The following ME2 variants were observed in gnomAD, a reference collection of about 807,000 sequenced individuals.
The protein encoded by ME2 is NAD-dependent malic enzyme, mitochondrial.
Under a neutral mutation model 73.7 loss-of-function variants are expected in ME2, and 60 were observed. The ratio of observed to expected loss-of-function variants is 0.81; its 90% CI spans 0.66 to 1.01. ME2 has a LOEUF of 1.01. Among genes scored for constraint, ME2 ranks in the 50% least tolerant of loss-of-function variants. The pLI is 0.00. For missense variants in ME2, 594 were observed against 705.5 expected (o/e 0.84, Z 1.79); for synonymous variants, 199 against 236.9 (o/e 0.84, Z 1.47).
rs1420634825 is a variant in ME2, at chr18:50,949,705, T to G, written c.*2521T>G. On this transcript the variant is annotated 3_prime_UTR_variant, in exon 16 of 16. Coordinates refer to ENST00000321341, the MANE Select transcript of ME2 (RefSeq NM_002396.5). ...TGCTTATTAAGTATGCCTGGTACAGTCTTCATGGAAGTTATTAAGTATTTT... is the reference window on the plus strand; with the variant it reads ...TGCTTATTAAGTATGCCTGGTACAGGCTTCATGGAAGTTATTAAGTATTTT... 1 of 152,130 alleles carries G rather than the reference T, an allele frequency of 6.6e-6. No individual in the cohort carries two copies. Among genetic ancestry groups the G allele is most frequent in the Non-Finnish European group, 1.5e-5 (1 of 67,956 alleles). The allele number at this position is 152,130 out of a possible 1,614,324, so 9.4% of individuals were successfully genotyped here.
At chr18:50,944,630 C>CA (rs1268796389) in intron 15 of ME2, among the ~76,000 whole-genome samples, 13 of 152,138 alleles carry the variant, frequency 8.5e-5, no homozygotes, top group Admixed American at 8.5e-4. Flanking sequence ...AAGAGATTTG[C>CA]AGTGAGTGTG....
At position 50,925,820 on chromosome 18, in the gene ME2, A is replaced by C. The variant is rs1199665494; in HGVS notation, c.1236A>C (p.Glu412Asp). 5.0e-6 allele frequency: 8 copies of C among 1,611,644 alleles called. No homozygotes were observed. Among genetic ancestry groups the C allele is most frequent in the Non-Finnish European group, 6.8e-6 (8 of 1,177,860 alleles). Residue 412 changes from glutamate (E) to aspartate (D), a missense_variant, in exon 12 of 16, where the codon GAA becomes GAC. By Grantham distance (45) the Glu-to-Asp change is conservative. Transcript: ENST00000321341. ...DVIRAMASIN[E>D]RPVIFALSNP... ...TCAGAGCCATGGCCTCTATCAATGA[A>C]AGGCCTGTAATATTTGCATTAAGTA...
At position 50,949,630 on chromosome 18, in the gene ME2, T is replaced by G. The variant is rs1168686634; in HGVS notation, c.*2446T>G. 4.6e-5 allele frequency: 7 copies of G among 152,226 alleles called. No individual in the cohort carries two copies. Among genetic ancestry groups the G allele is most frequent in the Non-Finnish European group, 8.8e-5 (6 of 68,038 alleles). The allele number at this position is 152,226 out of a possible 1,614,324, so 9.4% of individuals were successfully genotyped here. A position where few individuals can be genotyped will look rare whatever the true frequency, so the allele number is the denominator to read the frequency against. ...ATAAACCTGTTTCTTGCTTAGTGTT[T>G]ATTGAAGGCAGGAACGTATGCTGAA... On this transcript the variant is annotated 3_prime_UTR_variant, in exon 16 of 16. Transcript: ENST00000321341.
intron 12 of ME2, among the ~76,000 whole-genome samples, chr18:50,928,177 C>A (rs1039411595): frequency 6.6e-6 from 1 of 150,996 alleles, no homozygotes; most frequent in Non-Finnish European, 1.5e-5. Context: ...ATATCTCACT[C>A]ATTTTTATTA....
At chr18:50,890,842 G>A (rs72929784) in intron 1 of ME2, among the ~76,000 whole-genome samples, 9,222 of 152,196 alleles carry the variant, frequency 0.061, 302 homozygotes, top group Non-Finnish European at 0.085. Context: ...ACAGAGTTCT[G>A]GACAGAGCTA....
chr18:50,931,196 C>T (rs1231563159), intron 12 of ME2, among the ~76,000 whole-genome samples: 1 of 152,170 alleles, frequency 6.6e-6, no homozygotes, highest in African/African-American at 2.4e-5. Context: ...AGCATAGTAT[C>T]AAAATTGGAT....
At chr18:50,928,074 T>C (rs958774591) in intron 12 of ME2, among the ~76,000 whole-genome samples, 35 of 151,884 alleles carry the variant, frequency 2.3e-4, no homozygotes, top group African/African-American at 8.2e-4. Context: ...TGCCTCAGCC[T>C]CCCAAAGTGC....
intron 15 of ME2, among the ~76,000 whole-genome samples, chr18:50,943,206 A>G (rs1918004373): frequency 6.6e-6 from 1 of 152,174 alleles, no homozygotes; most frequent in South Asian, 2.1e-4. Context: ...TTTCTTAAAC[A>G]TTAGGATTGA....
chr18:50,929,772 G>A (rs1426054912), intron 12 of ME2, among the ~76,000 whole-genome samples: 1 of 151,970 alleles, frequency 6.6e-6, no homozygotes, highest in African/African-American at 2.4e-5. Flanking sequence ...AAAACTAATG[G>A]TTATTGTTCC....
At chr18:50,905,010 C>T (rs980294494) in intron 2 of ME2, among the ~76,000 whole-genome samples, 3 of 151,800 alleles carry the variant, frequency 2.0e-5, no homozygotes, top group East Asian at 1.9e-4. Flanking sequence ...TTTTTTGAGA[C>T]GGAATCTCCC....
At chr18:50,895,712 G>C in intron 1 of ME2, 97 bp from the exon 2 acceptor site, 1 of 747,208 alleles carries the variant, frequency 1.3e-6, no homozygotes, top group South Asian at 1.8e-5. Context: ...GTTGCAGCCT[G>C]TGGAAACATA....
intron 2 of ME2, among the ~76,000 whole-genome samples, chr18:50,898,578 C>T (rs573179719): frequency 6.1e-4 from 93 of 152,218 alleles, no homozygotes; most frequent in Non-Finnish European, 9.9e-4. Context: ...ACTACAGGCA[C>T]GTGCCACTAC....
chr18:50,928,406 T>G (rs1170992858), intron 12 of ME2, among the ~76,000 whole-genome samples: 1 of 151,650 alleles, frequency 6.6e-6, no homozygotes, highest in African/African-American at 2.4e-5. Flanking sequence ...CCCGGCTAAT[T>G]TTTTTGTATT....
chr18:50,928,387 G>A (rs977788117), intron 12 of ME2, among the ~76,000 whole-genome samples: 7 of 151,382 alleles, frequency 4.6e-5, no homozygotes, highest in Admixed American at 3.3e-4. Context: ...CTGGGTGCCC[G>A]CCACCATGCC....
At chr18:50,903,175 T>G (rs980680993) in intron 2 of ME2, among the ~76,000 whole-genome samples, 1 of 152,130 alleles carries the variant, frequency 6.6e-6, no homozygotes, top group African/African-American at 2.4e-5. Context: ...GATAAGAGGA[T>G]GATCATTTCT....
chr18:50,928,398 C>T (rs950722521), intron 12 of ME2, among the ~76,000 whole-genome samples: 4 of 151,648 alleles, frequency 2.6e-5, no homozygotes, highest in Non-Finnish European at 4.4e-5. Flanking sequence ...CCACCATGCC[C>T]GGCTAATTTT....
chr18:50,920,474 C>T lies in ME2; in HGVS notation c.753C>T (p.Leu251=). ...AITDRYGRNT[L]IQFEDFGNHN... ...TTTTTAGATATGGCCGGAACACACTCATTCAGTTCGAAGACTTTGGAAATC... is the reference window on the plus strand; with the variant it reads ...TTTTTAGATATGGCCGGAACACACTTATTCAGTTCGAAGACTTTGGAAATC... Residue 251 remains leucine, a synonymous_variant, in exon 8 of 16, where the codon CTC becomes CTT. Transcript: ENST00000321341. 2 of 1,598,410 alleles carry T rather than the reference C, an allele frequency of 1.3e-6. No individual in the cohort carries two copies. The highest frequency in any genetic ancestry group is 1.7e-6 in the Non-Finnish European group (2 of 1,176,204).
chr18:50,939,549 A>G (rs1219300519), intron 13 of ME2, 21 bp from the exon 14 acceptor site: 2 of 1,565,518 alleles, frequency 1.3e-6, no homozygotes, highest in Non-Finnish European at 1.8e-6. Context: ...CCATACTAGT[A>G]AACTTTAAAA....
chr18:50,902,646 C>T (rs1599096599), intron 2 of ME2, among the ~76,000 whole-genome samples: 1 of 152,332 alleles, frequency 6.6e-6, no homozygotes, highest in East Asian at 1.9e-4. Context: ...ATCCACTCGC[C>T]TCAGCCTCCC....
Sources: gnomAD v4.1 joint callset for allele counts (sites outside exome capture counted in the v4.1 genomes callset) on GRCh38, gnomAD v4.1.1 for gene constraint, MANE v1.5 for transcripts, NCBI Gene and HGNC (gene_info 2026-07-23, HGNC 2026-07-21) for gene names.